The following FGFR2 variants were observed in gnomAD, a reference collection of about 807,000 sequenced individuals.
The protein encoded by FGFR2 is BEK fibroblast growth factor receptor.
A neutral mutation model predicts 95.9 loss-of-function variants in FGFR2; 19 were observed. That is an observed-to-expected ratio of 0.20 (90% CI 0.14 to 0.29). FGFR2 has a LOEUF of 0.29. Ranked by LOEUF, FGFR2 falls within the 10% of genes least tolerant of loss-of-function variation. FGFR2 has a pLI of 1.00. For synonymous variants in FGFR2, 392 were observed against 393.3 expected, an observed-to-expected ratio of 1.00 and a Z score of 0.04; for missense variants, 707 against 1,056.9, an observed-to-expected ratio of 0.67 and a Z score of 4.59.
chr10:121,583,219 G>A (rs555936861), intron 2 of FGFR2: 2 of 152,318 alleles, frequency 1.3e-5, no homozygotes, highest in South Asian at 4.1e-4. Context: ...ACAGTTCGTG[G>A]GAGTCCCAAG....
chr10:121,526,697 A>G, intron 6 of FGFR2: 1 of 398,586 alleles, frequency 2.5e-6, no homozygotes, highest in Non-Finnish European at 4.4e-6. Context: ...AGAATAGATG[A>G]GTGGGCTGGG....
intron 12 of FGFR2, among the ~76,000 whole-genome samples, chr10:121,496,952 G>A (rs562265541): frequency 1.1e-3 from 162 of 151,250 alleles, no homozygotes; most frequent in African/African-American, 3.4e-3. Flanking sequence ...CCAGCATAGC[G>A]AAACCTCGTC....
intron 6 of FGFR2, among the ~76,000 whole-genome samples, chr10:121,534,354 C>T (rs1852521406): frequency 6.6e-6 from 1 of 151,806 alleles, no homozygotes; most frequent in East Asian, 1.9e-4. Flanking sequence ...GCCTCGGCCT[C>T]CCAAACTGCT....
intron 6 of FGFR2, among the ~76,000 whole-genome samples, chr10:121,535,132 G>C (rs571928050): frequency 6.6e-6 from 1 of 152,272 alleles, no homozygotes; most frequent in Non-Finnish European, 1.5e-5. Context: ...AGATTGGAGC[G>C]GTGCCTCTAC....
At chr10:121,590,483 A>G (rs752777766) in intron 2 of FGFR2, among the ~76,000 whole-genome samples, 57 of 152,332 alleles carry the variant, frequency 3.7e-4, no homozygotes, top group Middle Eastern at 3.4e-3. Context: ...GGTGCCCTAT[A>G]ACAATGAATG....
intron 5 of FGFR2, among the ~76,000 whole-genome samples, chr10:121,543,196 A>G (rs1208862089): frequency 2.0e-5 from 3 of 152,154 alleles, no homozygotes; most frequent in East Asian, 1.9e-4. Context: ...AGTTCATTCA[A>G]CAGGTGAGTT....
chr10:121,533,757 G>A (rs577757985), intron 6 of FGFR2, among the ~76,000 whole-genome samples: 8 of 152,182 alleles, frequency 5.3e-5, no homozygotes, highest in African/African-American at 1.7e-4. Context: ...GAAGAAGTCC[G>A]CTTGGAGAGC....
intron 5 of FGFR2, among the ~76,000 whole-genome samples, chr10:121,543,764 G>A (rs1896394): frequency 0.083 from 12,574 of 152,168 alleles, 1,734 homozygotes; most frequent in African/African-American, 0.28. Flanking sequence ...GAACAGGGCC[G>A]GGCAATCTGA....
chr10:121,535,238 ATTTCT>A (rs1852664847), intron 6 of FGFR2, among the ~76,000 whole-genome samples: 1 of 152,164 alleles, frequency 6.6e-6, no homozygotes, highest in Non-Finnish European at 1.5e-5. Flanking sequence ...AAGAGAATAG[ATTTCT>A]TTTGTTTTAA....
In FGFR2 at chr10:121,564,515, G is replaced by C. The variant is rs2135087248; in HGVS notation, c.441C>G (p.Asn147Lys). 1 of 1,613,962 alleles carries C rather than the reference G, an allele frequency of 6.2e-7. No individual in the cohort carries two copies. Among genetic ancestry groups the C allele is most frequent in the Non-Finnish European group, 8.5e-7 (1 of 1,179,948 alleles). The part of the protein sequence containing the change: ...TDGAEDFVSE[N>K]SNNKRAPYWT... ...GCAGTTACTTACTCTTGTTGTTACTGTTCTCACTGACAAAATCTTCCGCAC... is the reference window on the plus strand; with the variant it reads ...GCAGTTACTTACTCTTGTTGTTACTCTTCTCACTGACAAAATCTTCCGCAC... Residue 147 changes from asparagine (N) to lysine (K), a missense_variant, in exon 4 of 18, where the codon AAC becomes AAG. This residue lies in a region of FGFR2 where 178 missense variants were observed against 194.1 expected (regional missense o/e 0.92). Coordinates refer to ENST00000358487, the MANE Select transcript of FGFR2 (RefSeq NM_000141.5).
intron 9 of FGFR2, among the ~76,000 whole-genome samples, chr10:121,505,379 C>T (rs891801075): frequency 5.9e-5 from 9 of 152,188 alleles, no homozygotes; most frequent in African/African-American, 2.2e-4. Flanking sequence ...CGTACATGAG[C>T]ACTTCCTGAG....
chr10:121,489,212 A>G (rs1845815230), intron 13 of FGFR2, among the ~76,000 whole-genome samples: 1 of 152,056 alleles, frequency 6.6e-6, no homozygotes. Flanking sequence ...AGCTGAGACT[A>G]CAGGTGCCTG....
intron 13 of FGFR2, among the ~76,000 whole-genome samples, chr10:121,489,879 G>A (rs1845905414): frequency 6.6e-6 from 1 of 152,040 alleles, no homozygotes; most frequent in African/African-American, 2.4e-5. Flanking sequence ...GGGTCTCTAC[G>A]CTTCCAAACT....
In FGFR2 at chr10:121,517,051, T is replaced by C. The variant is rs1333242394; in HGVS notation, c.1084+268A>G. Reference sequence around the variant, plus strand: ...TAAGAGAAAGGGGGATGGGCTAATTTATACATTGGCTCAATGACTCACTAA... The same window carrying C: ...TAAGAGAAAGGGGGATGGGCTAATTCATACATTGGCTCAATGACTCACTAA... On this transcript the variant is annotated intron_variant, in intron 8 of 17. Coordinates refer to ENST00000358487, the MANE Select transcript of FGFR2 (RefSeq NM_000141.5). The surrounding 1 kb of genome is among the most constrained non-coding windows in gnomAD (Gnocchi z 4.7). 6.6e-6 allele frequency among the ~76,000 whole-genome samples: 1 copy of C among 152,222 alleles called. No homozygotes were observed. Among genetic ancestry groups the C allele is most frequent in the African/African-American group, 2.4e-5 (1 of 41,464 alleles).
At chr10:121,567,154 G>A (rs1427226351) in intron 2 of FGFR2, among the ~76,000 whole-genome samples, 1 of 152,148 alleles carries the variant, frequency 6.6e-6, no homozygotes. Flanking sequence ...ACAGGAGACT[G>A]AAATCAAGTC....
At chr10:121,483,430 C>G (rs1845016416) in intron 17 of FGFR2, among the ~76,000 whole-genome samples, 1 of 152,208 alleles carries the variant, frequency 6.6e-6, no homozygotes, top group Non-Finnish European at 1.5e-5. Context: ...CCCACATACC[C>G]CGGACTGCTC....
chr10:121,491,505 A>C (rs1016923321), intron 13 of FGFR2, among the ~76,000 whole-genome samples: 7 of 152,136 alleles, frequency 4.6e-5, no homozygotes, highest in African/African-American at 1.7e-4. Flanking sequence ...ATGACATCGA[A>C]TTCCTGCGGC....
rs1050450355 is a variant in FGFR2, at chr10:121,493,461, G to T, written c.1863+3071C>A. On this transcript the variant is annotated intron_variant, in intron 13 of 17. Coordinates refer to ENST00000358487, the MANE Select transcript of FGFR2 (RefSeq NM_000141.5). ...GACTCAACACCCGTGCTTCTCACCA[G>T]TCTGAGCGCCGAGGCTCTACTACCT... Among the ~76,000 whole-genome samples, 9 of 152,128 alleles carry T rather than the reference G, an allele frequency of 5.9e-5. No individual in the cohort carries two copies. In the South Asian group the frequency reaches 1.2e-3, roughly 21 times the overall value.
chr10:121,481,092 C>T (rs1844611472), intron 17 of FGFR2, among the ~76,000 whole-genome samples: 1 of 152,094 alleles, frequency 6.6e-6, no homozygotes, highest in African/African-American at 2.4e-5. Flanking sequence ...GAAGTTGCAA[C>T]AGAGACCACA....
Sources: allele counts gnomAD v4.1 joint callset (sites outside exome capture counted in the v4.1 genomes callset), GRCh38; gene constraint gnomAD v4.1.1; regional missense constraint gnomAD v4.1.1; non-coding constraint Gnocchi (gnomAD v3.1); transcripts MANE v1.5; gene names NCBI Gene and HGNC (gene_info 2026-07-23, HGNC 2026-07-21).